Variants in CTNNA3 observed in about 807,000 individuals in gnomAD.
CTNNA3 encodes the protein catenin alpha 3.
A neutral mutation model predicts 95.7 loss-of-function variants in CTNNA3; 76 were observed. The ratio of observed to expected loss-of-function variants is 0.79; its 90% CI spans 0.66 to 0.96. The LOEUF (loss-of-function observed/expected upper bound fraction) is 0.96. CTNNA3 is among the 40% of genes least tolerant of loss of function. The probability of loss-of-function intolerance (pLI) is 0.00; values close to 1 mark genes in which losing one functional copy is unlikely to be tolerated. For missense variants in CTNNA3, 1,191 were observed against 1,089.8 expected (o/e 1.09, Z -1.31); for synonymous variants, 431 against 374.4 (o/e 1.15, Z -1.74).
chr10:67,341,228 T>C (rs1416864741), intron 5 of CTNNA3, among the ~76,000 whole-genome samples: 2 of 152,192 alleles, frequency 1.3e-5, no homozygotes, highest in East Asian at 1.9e-4. Flanking sequence ...GAATGTATAA[T>C]TAAATTATTA....
intron 10 of CTNNA3, among the ~76,000 whole-genome samples, chr10:66,605,462 C>T (rs1189308157): frequency 6.6e-6 from 1 of 152,014 alleles, no homozygotes; most frequent in East Asian, 1.9e-4. Flanking sequence ...GCGAAGAACC[C>T]CAGTAAGATA....
rs560807117 is a variant in CTNNA3 at position 67,345,204 on chromosome 10, G to C, written c.580-125334C>G. Among the ~76,000 whole-genome samples the C allele has an allele frequency of 5.9e-5, 9 of 152,176 alleles. No homozygotes were observed. The South Asian group carries it at 1.9e-3, about 32-fold the overall frequency. ...AGTTTTATTTCTTGTGGTCAGAGAA[G>C]ATGCTTGATATTTCAATTCTTTTGA... On this transcript the variant is annotated intron_variant, in intron 5 of 17. Coordinates refer to ENST00000433211, the MANE Select transcript of CTNNA3 (RefSeq NM_013266.4).
chr10:67,739,547 C>A (rs1398364095), intron 1 of CTNNA3, among the ~76,000 whole-genome samples: 2 of 151,840 alleles, frequency 1.3e-5, no homozygotes, highest in Non-Finnish European at 2.9e-5. Context: ...TGAGTGAACT[C>A]CCATTCACAA....
chr10:66,150,953 C>A (rs1170551152), intron 13 of CTNNA3, among the ~76,000 whole-genome samples: 1 of 152,034 alleles, frequency 6.6e-6, no homozygotes, highest in Admixed American at 6.6e-5. Context: ...TGTTTCCCTT[C>A]AGTGGCTTCA....
intron 7 of CTNNA3, among the ~76,000 whole-genome samples, chr10:66,976,959 T>A (rs888254940): frequency 6.6e-6 from 1 of 152,220 alleles, no homozygotes; most frequent in East Asian, 1.9e-4. Flanking sequence ...ATTTCTAGTA[T>A]GGGCGAGTTT....
intron 15 of CTNNA3, among the ~76,000 whole-genome samples, chr10:65,993,704 T>G (rs1203300427): frequency 6.6e-6 from 1 of 152,098 alleles, no homozygotes; most frequent in Non-Finnish European, 1.5e-5. Context: ...TTGGTTTTGG[T>G]TTTTGTTTTC....
At chr10:66,307,904 T>C (rs1159267198) in intron 12 of CTNNA3, among the ~76,000 whole-genome samples, 1 of 152,216 alleles carries the variant, frequency 6.6e-6, no homozygotes, top group Non-Finnish European at 1.5e-5. Context: ...CTCAGCTCCA[T>C]TAAGCAGCCA....
At chr10:67,602,836 AC>A (rs1348412232) in intron 3 of CTNNA3, among the ~76,000 whole-genome samples, 2 of 152,234 alleles carry the variant, frequency 1.3e-5, no homozygotes, top group Non-Finnish European at 2.9e-5. Context: ...CATATCCCTT[AC>A]CAAAGAATCA....
At chr10:67,690,440 C>A (rs1270159020) in intron 1 of CTNNA3, among the ~76,000 whole-genome samples, 1 of 152,128 alleles carries the variant, frequency 6.6e-6, no homozygotes, top group African/African-American at 2.4e-5. Flanking sequence ...TTATTTGGCC[C>A]CCACCATGTC....
intron 5 of CTNNA3, among the ~76,000 whole-genome samples, chr10:67,355,218 T>G (rs894835005): frequency 2.6e-5 from 4 of 151,986 alleles, no homozygotes; most frequent in Non-Finnish European, 5.9e-5. Context: ...TTATTGATAT[T>G]TTAAAAAGAA....
Position 66,303,182 on chromosome 10 carries a change from C to T in CTNNA3, c.1733-22561G>A, listed in dbSNP as rs1204992792. Among the ~76,000 whole-genome samples the T allele has an allele frequency of 3.3e-5, 5 of 152,118 alleles. 1 individual carries two copies. The East Asian group carries it at 7.7e-4, about 23-fold the overall frequency. On this transcript the variant is annotated intron_variant, in intron 12 of 17. Coordinates refer to ENST00000433211, the MANE Select transcript of CTNNA3 (RefSeq NM_013266.4). ...AAACACTAACAACACTTCTCTTTAGCGTTGCCTTGGTTATTGTAACCAGCA... is the reference window on the plus strand; with the variant it reads ...AAACACTAACAACACTTCTCTTTAGTGTTGCCTTGGTTATTGTAACCAGCA...
intron 1 of CTNNA3, among the ~76,000 whole-genome samples, chr10:67,681,783 A>G (rs928902172): frequency 1.3e-5 from 2 of 152,204 alleles, no homozygotes; most frequent in African/African-American, 4.8e-5. Context: ...GTCATAAAAT[A>G]AACAACAAAT....
chr10:66,211,983 G>T (rs1434286365), intron 13 of CTNNA3, among the ~76,000 whole-genome samples: 9 of 95,030 alleles, frequency 9.5e-5, no homozygotes, highest in East Asian at 3.4e-4. Flanking sequence ...TTGTTTTTGG[G>T]TTTTTTTTTT....
intron 10 of CTNNA3, among the ~76,000 whole-genome samples, chr10:66,602,277 A>G (rs1005422308): frequency 6.6e-6 from 1 of 151,994 alleles, no homozygotes; most frequent in Admixed American, 6.6e-5. Flanking sequence ...TTTCAGCCTC[A>G]CATTTAAAAT....
chr10:66,007,328 T>G (rs2078907608), intron 15 of CTNNA3, among the ~76,000 whole-genome samples: 1 of 152,176 alleles, frequency 6.6e-6, no homozygotes, highest in South Asian at 2.1e-4. Flanking sequence ...CATCAGATTA[T>G]TTGATCACAC....
intron 11 of CTNNA3, among the ~76,000 whole-genome samples, chr10:66,460,668 T>A (rs1314327421): frequency 6.6e-6 from 1 of 152,142 alleles, no homozygotes; most frequent in African/African-American, 2.4e-5. Flanking sequence ...CATTAGGACT[T>A]TCTGAAGGGC....
chr10:66,099,892 A>C (rs971354391), intron 14 of CTNNA3, among the ~76,000 whole-genome samples: 1 of 152,158 alleles, frequency 6.6e-6, no homozygotes, highest in African/African-American at 2.4e-5. Context: ...TGGCAATCAC[A>C]GAAGGTCTGA....
intron 17 of CTNNA3, among the ~76,000 whole-genome samples, chr10:65,927,990 A>G (rs773653120): frequency 6.6e-6 from 1 of 152,150 alleles, no homozygotes; most frequent in Non-Finnish European, 1.5e-5. Context: ...TTTACATTTT[A>G]GGAATTTTGA....
intron 10 of CTNNA3, among the ~76,000 whole-genome samples, chr10:66,573,343 A>G (rs924850074): frequency 6.6e-6 from 1 of 152,154 alleles, no homozygotes; most frequent in South Asian, 2.1e-4. Flanking sequence ...CCAACATATT[A>G]TGAATGATGT....
Sources: allele counts gnomAD v4.1 joint callset (sites outside exome capture counted in the v4.1 genomes callset), GRCh38; gene constraint gnomAD v4.1.1; transcripts MANE v1.5; gene names NCBI Gene and HGNC (gene_info 2026-07-23, HGNC 2026-07-21).